The following PIEZO1 variants were observed in gnomAD, a reference collection of about 807,000 sequenced individuals.
PIEZO1 encodes the protein piezo-type mechanosensitive ion channel component 1.
In PIEZO1, 296 loss-of-function variants were observed where a neutral mutation model predicts 297.2. The observed-to-expected ratio is 1.00, with a 90% CI of 0.91 to 1.10. PIEZO1 has a LOEUF of 1.10. Ranked by LOEUF, PIEZO1 falls within the 50% of genes least tolerant of loss-of-function variation. The pLI is 0.00. For missense variants in PIEZO1, 5,018 were observed against 3,455.5 expected (o/e 1.45, Z -11.34); for synonymous variants, 2,427 against 1,507.5 (o/e 1.61, Z -14.13).
chr16:88,765,657 C>G (rs1014098132), intron 1 of PIEZO1, among the ~76,000 whole-genome samples: 2 of 150,422 alleles, frequency 1.3e-5, no homozygotes, highest in East Asian at 2.0e-4. Flanking sequence ...GAGCCCAAGT[C>G]GTTATCTCTA....
Position 88,726,796 on chromosome 16 carries a change from C to T in PIEZO1, c.3618G>A (p.Arg1206=), listed in dbSNP as rs1904475257. The T allele has an allele frequency of 7.7e-6, 12 of 1,550,156 alleles. No homozygotes were observed. Among genetic ancestry groups the T allele is most frequent in the African/African-American group, 1.4e-5 (1 of 73,002 alleles). The change falls in exon 25 of 51, where the codon AGG becomes AGA. Residue 1206 remains arginine, a synonymous_variant. Coordinates refer to ENST00000301015, the MANE Select transcript of PIEZO1 (RefSeq NM_001142864.4). ...ACAGCACGAGGCGGGCCCGTGTGTCCCTCTGCAGCAGGGCCGTGCCGAAGA... is the reference window on the plus strand; with the variant it reads ...ACAGCACGAGGCGGGCCCGTGTGTCTCTCTGCAGCAGGGCCGTGCCGAAGA... The part of the protein sequence containing the change: ...LLLFGTALLQ[R]DTRARLVLWD...
intron 1 of PIEZO1, among the ~76,000 whole-genome samples, chr16:88,751,909 G>T (rs60016274): frequency 0.027 from 4,037 of 152,220 alleles, 183 homozygotes; most frequent in African/African-American, 0.092. Context: ...TGCCAGGAAC[G>T]TCCAATGCTC....
At chr16:88,768,306 G>A (rs1365777129) in intron 1 of PIEZO1, among the ~76,000 whole-genome samples, 3 of 152,306 alleles carry the variant, frequency 2.0e-5, no homozygotes, top group South Asian at 4.1e-4. Flanking sequence ...TCCCACCACG[G>A]CAGGCCGGCT....
At chr16:88,717,476 C>A in intron 44 of PIEZO1, 1 of 599,228 alleles carries the variant, frequency 1.7e-6, no homozygotes, top group South Asian at 1.6e-5. Context: ...ACGGTGCAGG[C>A]ACCGCCCCAG....
intron 31 of PIEZO1, 128 bp downstream of exon 31, chr16:88,723,743 T>G (rs1170439806): frequency 3.2e-6 from 2 of 626,162 alleles, no homozygotes; most frequent in Non-Finnish European, 5.7e-6. Context: ...TGGGGCGGGG[T>G]GGGCTAACTG....
chr16:88,770,157 G>A (rs1045856305), intron 1 of PIEZO1, among the ~76,000 whole-genome samples: 5 of 151,436 alleles, frequency 3.3e-5, no homozygotes, highest in South Asian at 2.1e-4. Flanking sequence ...TGCACAATCC[G>A]GTCTTCCCAA....
At position 88,722,051 on chromosome 16, in the gene PIEZO1, T is replaced by C; in HGVS notation, c.4971A>G (p.Pro1657=). 3 of 1,546,640 alleles carry C rather than the reference T, an allele frequency of 1.9e-6. No individual in the cohort carries two copies. Among genetic ancestry groups the C allele is most frequent in the Admixed American group, 2.0e-5 (1 of 50,948 alleles). The change falls in exon 37 of 51, where the codon CCA becomes CCG. Residue 1657 remains proline (P), a synonymous_variant. Transcript: ENST00000301015. ...CAAACAGCTCTGCCTCCTCCAGCTC[T>C]GGGATGCGCAGGCGCCTACAGGGAG... The part of the protein sequence containing the change: ...ELLLDRRLRI[P]ELEEAELFAE...
chr16:88,734,122 A>C, intron 16 of PIEZO1, 68 bp from the exon 17 acceptor site: 1 of 1,459,728 alleles, frequency 6.9e-7, no homozygotes, highest in Non-Finnish European at 9.1e-7. Context: ...GGGCTGGAAG[A>C]AGCCCTGTCG....
chr16:88,727,415 C>T lies in PIEZO1; in HGVS notation c.3301+142G>A, dbSNP rs2879904. The stretch of plus-strand genomic sequence containing the variant: ...AGGCTGAGGTCTGCGTGCGTGCGTG[C>T]GAGGTCAGGGCCTGCAGGCCGCCAT... On this transcript the variant is annotated intron_variant, in intron 23 of 50. Coordinates refer to ENST00000301015, the MANE Select transcript of PIEZO1 (RefSeq NM_001142864.4). 112,739 of 645,994 alleles carry T rather than the reference C, an allele frequency of 0.17. 11,404 individuals are homozygous for T. Among genetic ancestry groups the T allele is most frequent in the Admixed American group, 0.32 (10,803 of 33,292 alleles). The allele number at this position is 645,994 out of a possible 1,614,324, so 40.0% of individuals were successfully genotyped here.
chr16:88,749,073 T>TA (rs1163198773), intron 2 of PIEZO1, among the ~76,000 whole-genome samples: 7 of 149,950 alleles, frequency 4.7e-5, no homozygotes, highest in Non-Finnish European at 8.9e-5. Flanking sequence ...CCGTCTCTAC[T>TA]AAAAATACAA....
chr16:88,782,922 C>A (rs1908001419), intron 1 of PIEZO1, among the ~76,000 whole-genome samples: 2 of 152,222 alleles, frequency 1.3e-5, no homozygotes, highest in Non-Finnish European at 2.9e-5. Flanking sequence ...CTGAGTGAGG[C>A]CCAGGCCCCA....
chr16:88,755,656 G>C (rs930225862), intron 1 of PIEZO1, among the ~76,000 whole-genome samples: 50 of 152,224 alleles, frequency 3.3e-4, no homozygotes, highest in Admixed American at 4.6e-4. Context: ...TTCAGTATCT[G>C]GGGGTTGCTT....
At chr16:88,716,148 C>T in intron 49 of PIEZO1, 29 bp from the exon 50 acceptor site, 4 of 1,528,060 alleles carry the variant, frequency 2.6e-6, no homozygotes, top group South Asian at 1.2e-5. Context: ...ATCGTTGAGG[C>T]CGCAGGTCAC....
chr16:88,731,921 G>A lies in PIEZO1; in HGVS notation c.2992-11C>T. On this transcript the variant is annotated splice_polypyrimidine_tract_variant and intron_variant, in intron 21 of 50. Coordinates refer to ENST00000301015, the MANE Select transcript of PIEZO1 (RefSeq NM_001142864.4). ...CATCAGGAAGCAGATCTGGGGAGGG[G>A]AGAGGGCGGGGTGTGGGGATGCACT... 3 of 1,505,832 alleles carry A rather than the reference G, an allele frequency of 2.0e-6. No homozygotes were observed. The highest frequency in any genetic ancestry group is 1.4e-5 in the African/African-American group (1 of 71,496). The allele number at this position is 1,505,832 out of a possible 1,614,324, so 93.3% of individuals were successfully genotyped here. A position where few individuals can be genotyped will look rare whatever the true frequency, so the allele number is the denominator to read the frequency against.
intron 1 of PIEZO1, among the ~76,000 whole-genome samples, chr16:88,751,545 G>A (rs1475358220): frequency 1.3e-5 from 2 of 152,146 alleles, no homozygotes; most frequent in African/African-American, 2.4e-5. Flanking sequence ...GGACACAGCA[G>A]CCTCCCCCAG....
intron 2 of PIEZO1, chr16:88,743,231 C>T (rs1286910719): frequency 2.2e-6 from 1 of 456,494 alleles, no homozygotes; most frequent in African/African-American, 2.0e-5. Context: ...CACTCAGGAG[C>T]CCTGGCTTCA....
intron 1 of PIEZO1, among the ~76,000 whole-genome samples, chr16:88,776,446 G>GA (rs1490640457): frequency 6.6e-6 from 1 of 151,004 alleles, no homozygotes; most frequent in African/African-American, 2.5e-5. Context: ...AAAAAAAAAA[G>GA]AAGGGATGAG....
At chr16:88,717,402 G>T (rs563936053) in intron 44 of PIEZO1, 191 bp from the exon 45 acceptor site, 431 of 650,518 alleles carry the variant, frequency 6.6e-4, no homozygotes, top group Non-Finnish European at 1.1e-3. Flanking sequence ...CTCATGTTCA[G>T]GGGTCGTTGA....
At chr16:88,763,071 G>C (rs1016561937) in intron 1 of PIEZO1, among the ~76,000 whole-genome samples, 2 of 152,224 alleles carry the variant, frequency 1.3e-5, no homozygotes, top group Admixed American at 1.3e-4. Context: ...CACTTGGACA[G>C]GGTGCAGGTC....
Sources: allele counts gnomAD v4.1 joint callset (sites outside exome capture counted in the v4.1 genomes callset), GRCh38; gene constraint gnomAD v4.1.1; transcripts MANE v1.5; gene names NCBI Gene and HGNC (gene_info 2026-07-23, HGNC 2026-07-21).